SGCG: variants seen among roughly 807,000 people sequenced by gnomAD.
SGCG encodes gamma-sarcoglycan.
SGCG carries 26 observed loss-of-function variants against 29.3 expected under a neutral mutation model. The observed-to-expected ratio is 0.89, with a 90% CI of 0.65 to 1.23. SGCG has a LOEUF of 1.23. Ranked by LOEUF, SGCG falls within the 50% of genes most tolerant of loss-of-function variation. The probability of loss-of-function intolerance (pLI) is 0.00; values close to 1 mark genes in which losing one functional copy is unlikely to be tolerated. For synonymous variants in SGCG, 145 were observed against 129.7 expected, an observed-to-expected ratio of 1.12 and a Z score of -0.80; for missense variants, 353 against 356.0, an observed-to-expected ratio of 0.99 and a Z score of 0.07.
At chr13:23,236,217 A>C (rs1342092408) in intron 3 of SGCG, among the ~76,000 whole-genome samples, 1 of 152,210 alleles carries the variant, frequency 6.6e-6, no homozygotes, top group East Asian at 1.9e-4. Flanking sequence ...AGGGGAAGTC[A>C]GACATGAATG....
intron 5 of SGCG, among the ~76,000 whole-genome samples, chr13:23,288,508 T>G (rs1358474411): frequency 1.3e-5 from 2 of 152,314 alleles, no homozygotes; most frequent in East Asian, 3.9e-4. Context: ...TTAAACAGCT[T>G]CCATTTAGAT....
Position 23,219,884 on chromosome 13 carries a change from G to A in SGCG, c.196-14727G>A, listed in dbSNP as rs142375901. 2.3e-5 allele frequency among the ~76,000 whole-genome samples: 3 copies of A among 128,306 alleles called. No homozygotes were observed. In the East Asian group the frequency reaches 7.4e-4, roughly 32 times the overall value. The allele number at this position is 128,306 out of a possible 152,430, so 84.2% of individuals were successfully genotyped here. A position where few individuals can be genotyped will look rare whatever the true frequency, so the allele number is the denominator to read the frequency against. On this transcript the variant is annotated intron_variant, in intron 2 of 7. Coordinates refer to ENST00000218867, the MANE Select transcript of SGCG (RefSeq NM_000231.3). The stretch of plus-strand genomic sequence containing the variant: ...TCTCGCTCTGTCGCCCAGGCTGGAT[G>A]GAGTGCAGTGGCGCCATCTCGGCTC...
At chr13:23,225,018 C>A (rs1371289228) in intron 2 of SGCG, among the ~76,000 whole-genome samples, 1 of 152,170 alleles carries the variant, frequency 6.6e-6, no homozygotes, top group Admixed American at 6.5e-5. Flanking sequence ...AATGTACAAT[C>A]TCAGTTCCCA....
intron 6 of SGCG, among the ~76,000 whole-genome samples, chr13:23,298,036 C>T (rs552293020): frequency 4.0e-4 from 61 of 151,762 alleles, no homozygotes; most frequent in African/African-American, 8.7e-4. Flanking sequence ...TGAGCCACCG[C>T]GGCCAGCCAA....
intron 2 of SGCG, among the ~76,000 whole-genome samples, chr13:23,219,086 C>A (rs1382095170): frequency 6.7e-6 from 1 of 148,572 alleles, no homozygotes; most frequent in South Asian, 2.1e-4. Context: ...CTTGATCTGT[C>A]GCCCAGGCTG....
chr13:23,318,417 C>T (rs1012591684), intron 6 of SGCG, among the ~76,000 whole-genome samples: 17 of 151,120 alleles, frequency 1.1e-4, no homozygotes, highest in African/African-American at 3.6e-4. Context: ...AAGAAAACTG[C>T]CATGATGGGA....
intron 5 of SGCG, among the ~76,000 whole-genome samples, chr13:23,287,467 C>T (rs966233104): frequency 8.5e-5 from 13 of 152,274 alleles, no homozygotes; most frequent in Admixed American, 6.5e-4. Flanking sequence ...GGCTTCCAGA[C>T]GAGAGCCCTG....
At chr13:23,242,117 C>T (rs1879536821) in intron 3 of SGCG, among the ~76,000 whole-genome samples, 1 of 152,112 alleles carries the variant, frequency 6.6e-6, no homozygotes, top group Non-Finnish European at 1.5e-5. Context: ...CACAGACATT[C>T]AAAGAATGGT....
intron 2 of SGCG, among the ~76,000 whole-genome samples, chr13:23,218,152 C>A (rs914044680): frequency 6.6e-6 from 1 of 151,628 alleles, no homozygotes; most frequent in African/African-American, 2.4e-5. Context: ...CTTATGCAAC[C>A]CAGAGAATTA....
intron 4 of SGCG, among the ~76,000 whole-genome samples, chr13:23,273,090 T>G (rs750499357): frequency 6.6e-6 from 1 of 152,190 alleles, no homozygotes; most frequent in Non-Finnish European, 1.5e-5. Context: ...TCTTCCTTGT[T>G]AATTTCTGCT....
upstream of SGCG, among the ~76,000 whole-genome samples, chr13:23,177,151 A>G (rs920234679): frequency 6.6e-6 from 1 of 152,176 alleles, no homozygotes; most frequent in African/African-American, 2.4e-5. Flanking sequence ...GTTCTCACTC[A>G]TATGCAAAAC....
the SGCG span, among the ~76,000 whole-genome samples, chr13:23,167,608 A>G: frequency 6.6e-6 from 1 of 152,166 alleles, no homozygotes; most frequent in Non-Finnish European, 1.5e-5. Context: ...CTGGGGTGAG[A>G]CAGTATCTTG....
chr13:23,247,344 T>C (rs35379866), intron 3 of SGCG, among the ~76,000 whole-genome samples: 1,930 of 152,296 alleles, frequency 0.013, 23 homozygotes, highest in Admixed American at 0.024. Flanking sequence ...CAAAACCTTT[T>C]CGTAAGACTT....
chr13:23,295,637 T>C (rs1192195260), intron 6 of SGCG, 150 bp downstream of exon 6: 10 of 692,982 alleles, frequency 1.4e-5, no homozygotes, highest in East Asian at 5.4e-5. Context: ...AACTAGATAG[T>C]ATTTATTAAA....
chr13:23,222,455 A>ATT (rs1165652537), intron 2 of SGCG, among the ~76,000 whole-genome samples: 2 of 152,172 alleles, frequency 1.3e-5, no homozygotes. Context: ...ATTATGATTC[A>ATT]TTTATTTCCA....
chr13:23,184,167 C>A (rs2137468355), intron 1 of SGCG, among the ~76,000 whole-genome samples: 1 of 152,290 alleles, frequency 6.6e-6, no homozygotes, highest in East Asian at 1.9e-4. Flanking sequence ...AATGAACTGC[C>A]AGGCCATAGG....
chr13:23,288,721 A>C (rs1369405685), intron 5 of SGCG, among the ~76,000 whole-genome samples: 1 of 152,202 alleles, frequency 6.6e-6, no homozygotes, highest in East Asian at 1.9e-4. Flanking sequence ...AATAACATCA[A>C]AATGTTGTCT....
intron 2 of SGCG, among the ~76,000 whole-genome samples, chr13:23,205,109 T>C (rs1877937407): frequency 6.6e-6 from 1 of 152,074 alleles, no homozygotes; most frequent in Non-Finnish European, 1.5e-5. Flanking sequence ...TGAACAATTA[T>C]ATAAATATAT....
At chr13:23,223,876 G>A (rs564516980) in intron 2 of SGCG, among the ~76,000 whole-genome samples, 317 of 152,296 alleles carry the variant, frequency 2.1e-3, no homozygotes, top group African/African-American at 7.4e-3. Flanking sequence ...TGAGGCAAGA[G>A]AATCGCTTGA....
Sources: allele counts gnomAD v4.1 joint callset (sites outside exome capture counted in the v4.1 genomes callset), GRCh38; gene constraint gnomAD v4.1.1; transcripts MANE v1.5; gene names NCBI Gene and HGNC (gene_info 2026-07-23, HGNC 2026-07-21).